ADGRE5: variants seen among roughly 807,000 people sequenced by gnomAD.
The protein encoded by ADGRE5 is CD97 molecule.
Under a neutral mutation model 100.3 loss-of-function variants are expected in ADGRE5, and 72 were observed. The observed-to-expected ratio is 0.72, with a 90% CI of 0.59 to 0.87. ADGRE5 has a LOEUF of 0.87. Ranked by LOEUF, ADGRE5 falls within the 40% of genes least tolerant of loss-of-function variation. ADGRE5 has a pLI of 0.00. For missense variants in ADGRE5, 959 were observed against 1,094.7 expected (o/e 0.88, Z 1.75); for synonymous variants, 439 against 447.8 (o/e 0.98, Z 0.25).
rs754309801 is a variant in ADGRE5 at position 14,396,463 on chromosome 19, G to A, written c.468G>A (p.Lys156=). ...TCAAGTTCATACCTGAGGATCCGAAGGTCTGCACAGGTAGAGGCCCCAGGA... is the reference window on the plus strand; with the variant it reads ...TCAAGTTCATACCTGAGGATCCGAAAGTCTGCACAGGTAGAGGCCCCAGGA... ...PGFKFIPEDP[K]VCTDVNECTS... is the part of the protein sequence containing the mutation. The change falls in exon 5 of 20, where the codon AAG becomes AAA. Residue 156 remains lysine (K), a synonymous_variant. Coordinates refer to ENST00000242786, the MANE Select transcript of ADGRE5 (RefSeq NM_078481.4). 5.0e-6 allele frequency: 8 copies of A among 1,614,132 alleles called. No homozygotes were observed. The highest frequency in any genetic ancestry group is 4.4e-5 in the South Asian group (4 of 91,092).
chr19:14,385,287 C>T (rs1217406460), intron 1 of ADGRE5, among the ~76,000 whole-genome samples: 1 of 152,118 alleles, frequency 6.6e-6, no homozygotes. Context: ...GCTGGGATTA[C>T]AGGCGTGAAC....
intron 12 of ADGRE5, 125 bp from the exon 13 acceptor site, chr19:14,404,258 T>C: frequency 1.2e-6 from 1 of 834,598 alleles, no homozygotes; most frequent in South Asian, 1.7e-5. Flanking sequence ...CCAAACCTGT[T>C]ACATTCAGTA....
chr19:14,383,260 T>G (rs760355952), intron 1 of ADGRE5, among the ~76,000 whole-genome samples: 1 of 151,284 alleles, frequency 6.6e-6, no homozygotes, highest in Non-Finnish European at 1.5e-5. Context: ...ATCCCAGCAC[T>G]TTGGTAGGCC....
intron 18 of ADGRE5, among the ~76,000 whole-genome samples, chr19:14,407,558 G>T (rs992858667): frequency 1.3e-5 from 2 of 150,912 alleles, no homozygotes; most frequent in Non-Finnish European, 2.9e-5. Flanking sequence ...GCTGAGGCAG[G>T]AGAATCATTT....
At chr19:14,407,716 G>A (rs996364451) in intron 18 of ADGRE5, among the ~76,000 whole-genome samples, 192 bp from the exon 19 acceptor site, 1 of 151,772 alleles carries the variant, frequency 6.6e-6, no homozygotes, top group Non-Finnish European at 1.5e-5. Flanking sequence ...GATCACTTGG[G>A]CCCAGGAGTT....
chr19:14,381,482 C>T lies in ADGRE5; in HGVS notation c.-42C>T, dbSNP rs1975151389. 1.8e-5 allele frequency: 29 copies of T among 1,609,992 alleles called. No individual in the cohort carries two copies. Among genetic ancestry groups the T allele is most frequent in the Non-Finnish European group, 2.4e-5 (28 of 1,178,172 alleles). On this transcript the variant is annotated 5_prime_UTR_variant, in exon 1 of 20. Coordinates refer to ENST00000242786, the MANE Select transcript of ADGRE5 (RefSeq NM_078481.4). ...CTGTGGAGACGGGACAGCCCTGTCC[C>T]ACTCACTCTTTCCCCTGCCGCTCCT...
In ADGRE5 at chr19:14,406,936, A is replaced by T; in HGVS notation, c.2183A>T (p.Asp728Val). 1 of 1,614,150 alleles carries T rather than the reference A, an allele frequency of 6.2e-7. No individual in the cohort carries two copies. Among genetic ancestry groups the T allele is most frequent in the Non-Finnish European group, 8.5e-7 (1 of 1,180,004 alleles). The change falls in exon 17 of 20, where the codon GAC becomes GTC. Residue 728 changes from aspartate (D) to valine (V), a missense_variant. This residue lies in a region of ADGRE5 where 428 missense variants were observed against 386.2 expected (regional missense o/e 1.11). Transcript: ENST00000242786. This position sits in a 1 kb window ranked among gnomAD's most constrained non-coding sequence, Gnocchi z 6.0. Reference protein sequence around the residue: ...LTQKFSEINPDMKKLKKARAL... With the variant: ...LTQKFSEINPVMKKLKKARAL... ...CAGAAGTTTTCTGAAATCAATCCAG[A>T]CATGAAGAAATTAAAGAAGGCGAGG... is the stretch of plus-strand genomic sequence containing the variant.
At chr19:14,396,782 G>A (rs1186193871) in intron 5 of ADGRE5, among the ~76,000 whole-genome samples, 1 of 152,230 alleles carries the variant, frequency 6.6e-6, no homozygotes, top group Non-Finnish European at 1.5e-5. Flanking sequence ...TATGACCAGG[G>A]AGGGAGCAGA....
rs1054677312 is a variant in ADGRE5 at position 14,388,371 on chromosome 19, T to C, written c.23-79T>C. On this transcript the variant is annotated intron_variant, in intron 1 of 19. Transcript: ENST00000242786. Reference sequence around the variant, plus strand: ...AGCCTGAGAGGGGTCAGCATCCTCCTCCCACAAAGTGCATCACCCTTACGC... The same window carrying C: ...AGCCTGAGAGGGGTCAGCATCCTCCCCCCACAAAGTGCATCACCCTTACGC... 4.7e-6 allele frequency: 7 copies of C among 1,504,778 alleles called. No homozygotes were observed. The African/African-American group carries it at 8.3e-5, about 18-fold the overall frequency. 93.2% of individuals were successfully genotyped at this position (1,504,778 alleles called of 1,614,324 possible). A position where few individuals can be genotyped will look rare whatever the true frequency, so the allele number is the denominator to read the frequency against.
In ADGRE5 at chr19:14,404,774, C is replaced by T. The variant is rs896328189; in HGVS notation, c.1629+212C>T. The T allele has an allele frequency of 2.3e-5, 12 of 529,872 alleles. No individual in the cohort carries two copies. The Admixed American group carries it at 4.4e-4, about 19-fold the overall frequency. The allele number at this position is 529,872 out of a possible 1,614,324, so 32.8% of individuals were successfully genotyped here. On this transcript the variant is annotated intron_variant, in intron 13 of 19. Transcript: ENST00000242786. ...ACTATACACTGGGTGCAGCCACTAG[C>T]TCCGCTCCTCTGCCTGTCCATCCCG...
chr19:14,391,222 C>T (rs781680090), intron 4 of ADGRE5, 143 bp downstream of exon 4: 2 of 1,001,072 alleles, frequency 2.0e-6, no homozygotes, highest in South Asian at 1.5e-5. Context: ...CATGTACCTA[C>T]CCCACCACCC....
Position 14,407,948 on chromosome 19 carries a change from G to T in ADGRE5, c.2417G>T (p.Gly806Val), listed in dbSNP as rs377266346. ...CGGAAGTGGGCCTGCCTAGTTGCTG[G>T]GGGGAGCAAGTACTCAGAATTCACC... ...EYRKWACLVAGGSKYSEFTST... is the reference protein window; with the variant it reads ...EYRKWACLVAVGSKYSEFTST... The change falls in exon 19 of 20, where the codon GGG (glycine) becomes GTG (valine). Residue 806 changes from glycine to valine, a missense_variant. Coordinates refer to ENST00000242786, the MANE Select transcript of ADGRE5 (RefSeq NM_078481.4). The T allele has an allele frequency of 6.2e-7, 1 of 1,614,118 alleles. No individual in the cohort carries two copies. The highest frequency in any genetic ancestry group is 1.7e-5 in the Admixed American group (1 of 60,000).
In ADGRE5 at chr19:14,396,105, C is replaced by T. The variant is rs531931453; in HGVS notation, c.347-237C>T. The T allele has an allele frequency of 8.8e-5, 55 of 627,260 alleles. No individual in the cohort carries two copies. The African/African-American group carries it at 9.2e-4, about 10-fold the overall frequency. The allele number at this position is 627,260 out of a possible 1,614,324, so 38.9% of individuals were successfully genotyped here. A position where few individuals can be genotyped will look rare whatever the true frequency, so the allele number is the denominator to read the frequency against. Reference sequence around the variant, plus strand: ...GACACAGATGGCTGGGACACCCCAGCTTGGAGCTGCCCAGGAAGGCAGAGG... The same window carrying T: ...GACACAGATGGCTGGGACACCCCAGTTTGGAGCTGCCCAGGAAGGCAGAGG... On this transcript the variant is annotated intron_variant, in intron 4 of 19. Coordinates refer to ENST00000242786, the MANE Select transcript of ADGRE5 (RefSeq NM_078481.4).
chr19:14,390,919 T>C lies in ADGRE5; in HGVS notation c.191-5T>C. 1 of 1,613,960 alleles carries C rather than the reference T, an allele frequency of 6.2e-7. No individual in the cohort carries two copies. Among genetic ancestry groups the C allele is most frequent in the Non-Finnish European group, 8.5e-7 (1 of 1,179,952 alleles). On this transcript the variant is annotated splice_polypyrimidine_tract_variant and splice_region_variant and intron_variant, in intron 3 of 19. Coordinates refer to ENST00000242786, the MANE Select transcript of ADGRE5 (RefSeq NM_078481.4). The stretch of plus-strand genomic sequence containing the variant: ...GAGGTGACTCCCTGTCCTGTTGTGT[T>C]CCAGACATCAACGAGTGTGCAACAC...
intron 11 of ADGRE5, 119 bp from the exon 12 acceptor site, chr19:14,402,478 A>G (rs1599630472): frequency 8.6e-6 from 8 of 935,014 alleles, no homozygotes; most frequent in Non-Finnish European, 1.6e-6. Flanking sequence ...ACTCATCGGG[A>G]GGGGCTCCTG....
intron 6 of ADGRE5, 196 bp downstream of exon 6, chr19:14,397,419 G>A (rs1200552389): frequency 2.9e-6 from 2 of 692,388 alleles, no homozygotes; most frequent in Non-Finnish European, 4.9e-6. Flanking sequence ...GGAAGGCTCA[G>A]GGGGACCCCA....
At chr19:14,404,909 G>GACC (rs1976163474) in intron 13 of ADGRE5, 1 of 276,828 alleles carries the variant, frequency 3.6e-6, no homozygotes, top group Non-Finnish European at 6.8e-6. Context: ...GCCCAGGTTG[G>GACC]AGTATGGTGG....
chr19:14,404,951 C>T (rs549384563), intron 13 of ADGRE5: 51 of 209,910 alleles, frequency 2.4e-4, no homozygotes, highest in Admixed American at 1.3e-3. Flanking sequence ...TCAAGGGATT[C>T]TCCTGCCTTA....
chr19:14,383,530 G>A (rs1433020825), intron 1 of ADGRE5, among the ~76,000 whole-genome samples: 2 of 151,972 alleles, frequency 1.3e-5, no homozygotes, highest in Non-Finnish European at 2.9e-5. Flanking sequence ...AATAAATTAT[G>A]ATGATTATTA....
Sources: allele counts gnomAD v4.1 joint callset (sites outside exome capture counted in the v4.1 genomes callset), GRCh38; gene constraint gnomAD v4.1.1; regional missense constraint gnomAD v4.1.1; non-coding constraint Gnocchi (gnomAD v3.1); transcripts MANE v1.5; gene names NCBI Gene and HGNC (gene_info 2026-07-23, HGNC 2026-07-21).